Variants in BTNL8 observed in about 807,000 individuals in gnomAD.
BTNL8 encodes butyrophilin-like protein 8.
Under a neutral mutation model 36.1 loss-of-function variants are expected in BTNL8, and 22 were observed. The observed-to-expected ratio is 0.61, with a 90% CI of 0.44 to 0.87. The LOEUF is 0.87. Ranked by LOEUF, BTNL8 falls within the 40% of genes least tolerant of loss-of-function variation. BTNL8 has a pLI of 0.00. For synonymous variants in BTNL8, 203 were observed against 235.6 expected, an observed-to-expected ratio of 0.86 and a Z score of 1.27; for missense variants, 526 against 616.9, an observed-to-expected ratio of 0.85 and a Z score of 1.56.
chr5:180,919,278 C>T lies in BTNL8; in HGVS notation c.673+7664C>T, dbSNP rs188319206. On this transcript the variant is annotated intron_variant, in intron 3 of 7. Coordinates refer to ENST00000340184, the MANE Select transcript of BTNL8 (RefSeq NM_001040462.3). ...AATGCTGCTCAGTTGTTCCTGAACT[C>T]CAAAGGGAAGAGGACATAATGAGGC... is the stretch of plus-strand genomic sequence containing the variant. 2.5e-3 allele frequency among the ~76,000 whole-genome samples: 380 copies of T among 152,286 alleles called. 2 individuals carry two copies. Among genetic ancestry groups the T allele is most frequent in the African/African-American group, 8.9e-3 (368 of 41,556 alleles).
At chr5:180,920,193 T>G (rs568128336) in intron 3 of BTNL8, among the ~76,000 whole-genome samples, 12 of 152,208 alleles carry the variant, frequency 7.9e-5, no homozygotes, top group Non-Finnish European at 1.6e-4. Context: ...CTGCAAAGAC[T>G]TTTGCACCAA....
In BTNL8 at chr5:180,944,635, C is replaced by A. The variant is rs538367458; in HGVS notation, c.674-2877C>A. 1.6e-3 allele frequency among the ~76,000 whole-genome samples: 246 copies of A among 152,036 alleles called. 1 individual carries two copies. Among genetic ancestry groups the A allele is most frequent in the Non-Finnish European group, 2.8e-3 (188 of 67,948 alleles). On this transcript the variant is annotated intron_variant, in intron 3 of 7. Coordinates refer to ENST00000340184, the MANE Select transcript of BTNL8 (RefSeq NM_001040462.3). ...GTAGGGTAACTATAATTACCAATAA[C>A]ATATTACATATCTCAAAATAGCTAG...
chr5:180,946,251 AACT>A (rs748684996), intron 3 of BTNL8, among the ~76,000 whole-genome samples: 3 of 152,188 alleles, frequency 2.0e-5, no homozygotes, highest in Non-Finnish European at 4.4e-5. Context: ...CTAAGAATAG[AACT>A]ACTCTATGAT....
chr5:180,945,884 A>C (rs750522363), intron 3 of BTNL8: 2 of 375,770 alleles, frequency 5.3e-6, no homozygotes, highest in African/African-American at 2.0e-5. Flanking sequence ...CGCAAAGGAC[A>C]TATGTTTCAT....
intron 3 of BTNL8, among the ~76,000 whole-genome samples, chr5:180,927,851 C>T (rs375640364): frequency 4.6e-5 from 7 of 152,092 alleles, no homozygotes; most frequent in Non-Finnish European, 7.4e-5. Context: ...ACCAAACCTA[C>T]GTTTGATTGC....
At chr5:180,928,399 G>C (rs971550223) in intron 3 of BTNL8, among the ~76,000 whole-genome samples, 7 of 151,428 alleles carry the variant, frequency 4.6e-5, no homozygotes, top group African/African-American at 1.7e-4. Flanking sequence ...TGTAGAAACT[G>C]CATCAACTAA....
rs562060147 is a variant in BTNL8 at position 180,949,644 on chromosome 5, T to G, written c.863-260T>G. ...CCAGCTCTTATGAATCAAATAGTTT[T>G]ATGTATGAAGGGACAGTGGCAGGGT... On this transcript the variant is annotated intron_variant, in intron 7 of 7. Coordinates refer to ENST00000340184, the MANE Select transcript of BTNL8 (RefSeq NM_001040462.3). 1.6e-5 allele frequency: 9 copies of G among 548,440 alleles called. 2 individuals are homozygous for G. The South Asian group carries it at 1.7e-4, about 10-fold the overall frequency. The allele number at this position is 548,440 out of a possible 1,614,324, so 34.0% of individuals were successfully genotyped here.
At chr5:180,907,810 T>A (rs1190716682) in intron 1 of BTNL8, among the ~76,000 whole-genome samples, 1 of 150,968 alleles carries the variant, frequency 6.6e-6, no homozygotes, top group Non-Finnish European at 1.5e-5. Flanking sequence ...TGCTGGGGGG[T>A]GCCTCCCAGT....
chr5:180,902,337 T>A (rs1402373117), intron 1 of BTNL8: 1 of 1,548,402 alleles, frequency 6.5e-7, no homozygotes, highest in Non-Finnish European at 8.7e-7. Context: ...ATAATACACA[T>A]TTCTGCAGGT....
chr5:180,900,488 A>G (rs1756779555), intron 1 of BTNL8, among the ~76,000 whole-genome samples: 1 of 152,186 alleles, frequency 6.6e-6, no homozygotes, highest in African/African-American at 2.4e-5. Context: ...AAGGAAGTGG[A>G]AGGAGTGAAA....
At position 180,935,545 on chromosome 5, in the gene BTNL8, C is replaced by A. The variant is rs1758610149; in HGVS notation, c.674-11967C>A. ...TTTGCACTGGAGTGGACACCAGGAG[C>A]AGGGAGAGGGTAGGAAGCAGAAGCA... On this transcript the variant is annotated intron_variant, in intron 3 of 7. Transcript: ENST00000340184. The surrounding 1 kb of genome is among the most constrained non-coding windows in gnomAD (Gnocchi z 4.8). Among the ~76,000 whole-genome samples the A allele has an allele frequency of 6.6e-6, 1 of 152,216 alleles. No individual in the cohort carries two copies. Among genetic ancestry groups the A allele is most frequent in the Non-Finnish European group, 1.5e-5 (1 of 68,036 alleles).
chr5:180,939,802 A>G (rs1378425930), intron 3 of BTNL8, among the ~76,000 whole-genome samples: 1 of 152,248 alleles, frequency 6.6e-6, no homozygotes, highest in Non-Finnish European at 1.5e-5. Flanking sequence ...TCTTCTCATC[A>G]GCACATGGAA....
intron 2 of BTNL8, among the ~76,000 whole-genome samples, chr5:180,909,149 C>T (rs1421698814): frequency 6.6e-6 from 1 of 152,118 alleles, no homozygotes. Context: ...TAGAACTACC[C>T]CATCATCACG....
intron 3 of BTNL8, among the ~76,000 whole-genome samples, chr5:180,926,375 GT>G (rs1238338785): frequency 6.6e-6 from 1 of 152,212 alleles, no homozygotes; most frequent in Non-Finnish European, 1.5e-5. Context: ...CGGGCCCTGG[GT>G]TTTAAGCACA....
chr5:180,942,198 T>G (rs1759012080), intron 3 of BTNL8, among the ~76,000 whole-genome samples: 1 of 152,046 alleles, frequency 6.6e-6, no homozygotes, highest in Non-Finnish European at 1.5e-5. Flanking sequence ...TTACAATAGC[T>G]ACAACAAAAT....
At chr5:180,911,130 G>A (rs1206396038) in intron 2 of BTNL8, among the ~76,000 whole-genome samples, 1 of 152,196 alleles carries the variant, frequency 6.6e-6, no homozygotes. Context: ...CATGACTGGT[G>A]CTTAGGAATA....
intron 3 of BTNL8, among the ~76,000 whole-genome samples, chr5:180,934,703 G>A (rs374791451): frequency 6.6e-6 from 1 of 152,334 alleles, no homozygotes; most frequent in East Asian, 1.9e-4. Context: ...GTGCCTGGAA[G>A]CTTGGAAATG....
In BTNL8 at chr5:180,950,697, G is replaced by A. The variant is rs1759517157; in HGVS notation, c.*153G>A. Reference sequence around the variant, plus strand: ...TGTCATGGCTGCCCTGAGCTGGGAGGGAAGAAGGCTGACATTACATTTAGT... The same window carrying A: ...TGTCATGGCTGCCCTGAGCTGGGAGAGAAGAAGGCTGACATTACATTTAGT... On this transcript the variant is annotated 3_prime_UTR_variant, in exon 8 of 8. Coordinates refer to ENST00000340184, the MANE Select transcript of BTNL8 (RefSeq NM_001040462.3). 2 of 789,836 alleles carry A rather than the reference G, an allele frequency of 2.5e-6. No individual in the cohort carries two copies. The highest frequency in any genetic ancestry group is 5.9e-5 in the East Asian group (2 of 33,896). The allele number at this position is 789,836 out of a possible 1,614,324, so 48.9% of individuals were successfully genotyped here.
At chr5:180,902,317 A>G (rs1756855711) in intron 1 of BTNL8, 1 of 1,536,134 alleles carries the variant, frequency 6.5e-7, no homozygotes, top group Non-Finnish European at 8.8e-7. Context: ...TCTTAAAAAT[A>G]AAAACATTAA....
Sources: gnomAD v4.1 joint callset for allele counts (sites outside exome capture counted in the v4.1 genomes callset) on GRCh38, gnomAD v4.1.1 for gene constraint, Gnocchi (gnomAD v3.1) non-coding constraint, MANE v1.5 for transcripts, NCBI Gene and HGNC (gene_info 2026-07-23, HGNC 2026-07-21) for gene names.